The following NCKAP1L variants were observed in gnomAD, a reference collection of about 807,000 sequenced individuals.
NCKAP1L encodes the protein NCK associated protein 1 like, also known as nck-associated protein 1-like.
NCKAP1L carries 53 observed loss-of-function variants against 139.2 expected under a neutral mutation model. The observed-to-expected ratio is 0.38, with a 90% CI of 0.31 to 0.48. The LOEUF is 0.48. Among genes scored for constraint, NCKAP1L ranks in the 20% least tolerant of loss-of-function variants. The probability of loss-of-function intolerance (pLI) is 0.98; values close to 1 mark genes in which losing one functional copy is unlikely to be tolerated. For synonymous variants in NCKAP1L, 468 were observed against 499.7 expected (o/e 0.94, Z 0.85); for missense variants, 1,151 against 1,381.9 (o/e 0.83, Z 2.65).
chr12:54,519,433 T>TTTC (rs1956963701), intron 16 of NCKAP1L, 101 bp downstream of exon 16: 5 of 944,950 alleles, frequency 5.3e-6, no homozygotes, highest in Admixed American at 3.7e-5. Flanking sequence ...TGTTTAATTT[T>TTTC]TTTTTTTTTT....
intron 11 of NCKAP1L, 134 bp downstream of exon 11, chr12:54,517,126 C>T (rs567587923): frequency 2.8e-6 from 2 of 723,202 alleles, no homozygotes; most frequent in Non-Finnish European, 4.7e-6. Flanking sequence ...TTCCCTTGAA[C>T]ATTCTTGGAG....
chr12:54,507,095 T>G (rs1203198677), intron 3 of NCKAP1L, among the ~76,000 whole-genome samples: 1 of 151,774 alleles, frequency 6.6e-6, no homozygotes, highest in East Asian at 1.9e-4. Context: ...CCAAAAAACC[T>G]GTTTCTCTCT....
Position 54,523,383 on chromosome 12 carries a change from T to G in NCKAP1L, c.1879-11T>G. 6.2e-7 allele frequency: 1 copy of G among 1,605,296 alleles called. No homozygotes were observed. The highest frequency in any genetic ancestry group is 8.5e-7 in the Non-Finnish European group (1 of 1,177,526). ...TCCCCTTTCTCCATTTACCTGTGTT[T>G]GTTTCTGAAGCTTCTACCTAAGCAC... On this transcript the variant is annotated splice_polypyrimidine_tract_variant and intron_variant, in intron 18 of 30. Coordinates refer to ENST00000293373, the MANE Select transcript of NCKAP1L (RefSeq NM_005337.5).
intron 1 of NCKAP1L, chr12:54,498,903 T>C (rs888108219): frequency 1.5e-5 from 4 of 269,040 alleles, no homozygotes; most frequent in Non-Finnish European, 2.0e-5. Context: ...CTCTTATGCT[T>C]TTTATTTTTA....
chr12:54,536,040 C>A, intron 27 of NCKAP1L, 89 bp from the exon 28 acceptor site: 2 of 891,456 alleles, frequency 2.2e-6, no homozygotes, highest in Non-Finnish European at 1.9e-6. Context: ...ATCCTCACAG[C>A]AATTCTGTGA....
At chr12:54,540,630 C>CA (rs1166274431) in intron 30 of NCKAP1L, among the ~76,000 whole-genome samples, 1 of 152,234 alleles carries the variant, frequency 6.6e-6, no homozygotes, top group African/African-American at 2.4e-5. Flanking sequence ...AGTAGATGCT[C>CA]AGCAAATGTT....
At chr12:54,502,089 T>G (rs1380660570) in intron 3 of NCKAP1L, among the ~76,000 whole-genome samples, 1 of 151,650 alleles carries the variant, frequency 6.6e-6, no homozygotes, top group African/African-American at 2.4e-5. Flanking sequence ...GGATTTTTTG[T>G]GTGTGTTGAG....
At position 54,543,635 on chromosome 12, in the gene NCKAP1L, G is replaced by A. The variant is rs1957176800; in HGVS notation, c.*950G>A. On this transcript the variant is annotated 3_prime_UTR_variant, in exon 31 of 31. Transcript: ENST00000293373. ...ATCTTAAATTTCACAGACCTCATTAGGTTGTATGGCCCTGAGAGTGGGTAT... is the reference window on the plus strand; with the variant it reads ...ATCTTAAATTTCACAGACCTCATTAAGTTGTATGGCCCTGAGAGTGGGTAT... 6.6e-6 allele frequency: 1 copy of A among 152,320 alleles called. No homozygotes were observed. Among genetic ancestry groups the A allele is most frequent in the South Asian group, 2.1e-4 (1 of 4,826 alleles). 9.4% of individuals were successfully genotyped at this position (152,320 alleles called of 1,614,324 possible). A position where few individuals can be genotyped will look rare whatever the true frequency, so the allele number is the denominator to read the frequency against.
intron 27 of NCKAP1L, 101 bp from the exon 28 acceptor site, chr12:54,536,028 C>T (rs747149558): frequency 5.2e-5 from 42 of 814,044 alleles, no homozygotes; most frequent in Non-Finnish European, 7.5e-5. Flanking sequence ...TTTTCTCCTG[C>T]GATCCTCACA....
intron 30 of NCKAP1L, among the ~76,000 whole-genome samples, chr12:54,541,005 C>A (rs1957153693): frequency 6.6e-6 from 1 of 152,254 alleles, no homozygotes; most frequent in Non-Finnish European, 1.5e-5. Context: ...ACTCATGTAG[C>A]CTCAAATTCT....
rs756310094 is a variant in NCKAP1L, at chr12:54,528,337, G to C, written c.2466G>C (p.Gly822=). ...CCTTCGTCAGCCTGCCCAGAGAAGG[G>C]GAGCAGAACTTCAGTGCAGAGGAGT... ...MQAFVSLPRE[G]EQNFSAEEFS... The change falls in exon 22 of 31, where the codon GGG becomes GGC. Residue 822 remains glycine, a synonymous_variant. Coordinates refer to ENST00000293373, the MANE Select transcript of NCKAP1L (RefSeq NM_005337.5). 27 of 1,613,892 alleles carry C rather than the reference G, an allele frequency of 1.7e-5. No individual in the cohort carries two copies. The Admixed American group carries it at 3.8e-4, about 23-fold the overall frequency.
Position 54,536,188 on chromosome 12 carries a change from G to A in NCKAP1L, c.3016G>A (p.Val1006Ile), listed in dbSNP as rs1202022468. The A allele has an allele frequency of 1.9e-6, 3 of 1,613,390 alleles. No homozygotes were observed. The highest frequency in any genetic ancestry group is 4.5e-5 in the East Asian group (2 of 44,888). ...VACLLLIFLA[V>I]SLPLLATDPS... ...CTGCCTGCTCTTGATCTTTCTGGCAGTTTCCCTCCCACTCCTTGCCACTGA... is the reference window on the plus strand; with the variant it reads ...CTGCCTGCTCTTGATCTTTCTGGCAATTTCCCTCCCACTCCTTGCCACTGA... The change falls in exon 28 of 31, where the codon GTT becomes ATT. Residue 1006 changes from valine to isoleucine, a missense_variant. Val to Ile is a conservative substitution (Grantham distance 29). Coordinates refer to ENST00000293373, the MANE Select transcript of NCKAP1L (RefSeq NM_005337.5).
intron 29 of NCKAP1L, 78 bp downstream of exon 29, chr12:54,537,131 T>C: frequency 1.0e-6 from 1 of 955,832 alleles, no homozygotes; most frequent in South Asian, 1.4e-5. Flanking sequence ...TAGACAATTA[T>C]CGTTGAACAG....
chr12:54,506,797 ATATATAT>A lies in NCKAP1L; in HGVS notation c.307-1055_307-1049del, dbSNP rs1229322327. ...TTTGGCAACATATTAAAAAAAAAAA[ATATATAT>A]ATATATATATATATATATATTCCTT... On this transcript the variant is annotated intron_variant, in intron 3 of 30. Coordinates refer to ENST00000293373, the MANE Select transcript of NCKAP1L (RefSeq NM_005337.5). Among the ~76,000 whole-genome samples the A allele has an allele frequency of 1.2e-3, 14 of 11,258 alleles. No homozygotes were observed. In the East Asian group the frequency reaches 0.042, roughly 34 times the overall value. The allele number at this position is 11,258 out of a possible 152,430, so 7.4% of individuals were successfully genotyped here. A position where few individuals can be genotyped will look rare whatever the true frequency, so the allele number is the denominator to read the frequency against.
chr12:54,522,192 A>G (rs1956989246), intron 18 of NCKAP1L, among the ~76,000 whole-genome samples: 1 of 152,250 alleles, frequency 6.6e-6, no homozygotes, highest in African/African-American at 2.4e-5. Context: ...GGGAGTATAA[A>G]TACATGTTTG....
In NCKAP1L at chr12:54,508,509, C is replaced by A; in HGVS notation, c.484C>A (p.His162Asn). The change falls in exon 5 of 31, where the codon CAT (histidine) becomes AAT (asparagine). Residue 162 changes from histidine to asparagine, a missense_variant. Coordinates refer to ENST00000293373, the MANE Select transcript of NCKAP1L (RefSeq NM_005337.5). ...ACTCATTGGCATGTACAATTGTGCCCATGAGATGCTGCATGGGCATGGGTG... is the reference window on the plus strand; with the variant it reads ...ACTCATTGGCATGTACAATTGTGCCAATGAGATGCTGCATGGGCATGGGTG... ...RILIGMYNCA[H>N]EMLHGHGDPS... The A allele has an allele frequency of 6.2e-7, 1 of 1,614,074 alleles. No homozygotes were observed. The highest frequency in any genetic ancestry group is 8.5e-7 in the Non-Finnish European group (1 of 1,179,978).
intron 7 of NCKAP1L, among the ~76,000 whole-genome samples, chr12:54,511,540 A>G (rs1207874219): frequency 6.6e-6 from 1 of 152,170 alleles, no homozygotes. Context: ...CTGAGTACCT[A>G]GGACTACAGG....
chr12:54,519,687 G>A (rs1329337031), intron 16 of NCKAP1L, among the ~76,000 whole-genome samples: 3 of 151,974 alleles, frequency 2.0e-5, no homozygotes, highest in Non-Finnish European at 1.5e-5. Context: ...CTCAAACTCC[G>A]CAGCTCACTT....
intron 7 of NCKAP1L, chr12:54,510,475 G>T: frequency 4.3e-6 from 1 of 230,380 alleles, no homozygotes; most frequent in Non-Finnish European, 8.9e-6. Context: ...AGGTGTGTGT[G>T]CCACCATGGT....
Sources: gnomAD v4.1 joint callset for allele counts (sites outside exome capture counted in the v4.1 genomes callset) on GRCh38, gnomAD v4.1.1 for gene constraint, MANE v1.5 for transcripts, NCBI Gene and HGNC (gene_info 2026-07-23, HGNC 2026-07-21) for gene names.